The following PDE8A variants were observed in gnomAD, a reference collection of about 807,000 sequenced individuals.
PDE8A encodes the protein high affinity cAMP-specific and IBMX-insensitive 3',5'-cyclic phosphodiesterase 8A.
PDE8A carries 59 observed loss-of-function variants against 105.0 expected under a neutral mutation model. The ratio of observed to expected loss-of-function variants is 0.56; its 90% CI spans 0.46 to 0.70. The LOEUF (loss-of-function observed/expected upper bound fraction) is 0.70, where lower values mean the gene tolerates loss of function less well. PDE8A is among the 30% of genes least tolerant of loss of function. PDE8A has a pLI of 0.00. For missense variants in PDE8A, 1,014 were observed against 1,045.9 expected (o/e 0.97, Z 0.42); for synonymous variants, 355 against 371.9 (o/e 0.95, Z 0.52).
intron 20 of PDE8A, among the ~76,000 whole-genome samples, chr15:85,135,537 CCT>C (rs1358200931): frequency 6.6e-6 from 1 of 152,164 alleles, no homozygotes; most frequent in African/African-American, 2.4e-5. Context: ...CTGCGCTCAC[CCT>C]GTTCTCATCC....
At chr15:85,113,784 A>G (rs2082053884) in intron 13 of PDE8A, 89 bp from the exon 14 acceptor site, 2 of 995,494 alleles carry the variant, frequency 2.0e-6, no homozygotes, top group African/African-American at 1.6e-5. Context: ...CCTCCTGAGT[A>G]GCTGGAATTA....
At chr15:85,005,635 A>T (rs2080134005) in intron 1 of PDE8A, among the ~76,000 whole-genome samples, 1 of 152,194 alleles carries the variant, frequency 6.6e-6, no homozygotes. Context: ...TAATTTGCAC[A>T]ATCAGAATTC....
chr15:85,089,267 T>A, intron 6 of PDE8A, 71 bp from the exon 7 acceptor site: 1 of 808,104 alleles, frequency 1.2e-6, no homozygotes. Flanking sequence ...TACATTTAAA[T>A]AATGTAATAA....
At chr15:85,123,313 CTT>C in intron 19 of PDE8A, 120 bp downstream of exon 19, 4 of 751,506 alleles carry the variant, frequency 5.3e-6, no homozygotes, top group Non-Finnish European at 9.1e-6. Context: ...CTATTAGACT[CTT>C]ACAGGGACAG....
intron 3 of PDE8A, among the ~76,000 whole-genome samples, 161 bp downstream of exon 3, chr15:85,067,365 T>A (rs2081246299): frequency 6.6e-6 from 1 of 152,230 alleles, no homozygotes; most frequent in African/African-American, 2.4e-5. Context: ...CTGATGCATA[T>A]CTCTTTTGTT....
At chr15:85,014,123 CCTTTCTT>C (rs1297511067) in intron 1 of PDE8A, among the ~76,000 whole-genome samples, 1 of 149,220 alleles carries the variant, frequency 6.7e-6, no homozygotes, top group Non-Finnish European at 1.5e-5. Context: ...TTTCTTTCTT[CCTTTCTT>C]TTTCTTTTTC....
At chr15:85,076,011 G>T in intron 4 of PDE8A, 93 bp downstream of exon 4, 1 of 699,992 alleles carries the variant, frequency 1.4e-6, no homozygotes, top group Non-Finnish European at 2.5e-6. Flanking sequence ...TGCTGTGTCA[G>T]GCATGCCCCT....
chr15:85,049,646 C>G (rs533613596), intron 1 of PDE8A, among the ~76,000 whole-genome samples: 6 of 152,262 alleles, frequency 3.9e-5, no homozygotes, highest in Admixed American at 2.6e-4. Flanking sequence ...CTCCCAGGCC[C>G]GAGTGATTCT....
chr15:85,124,477 C>CCA (rs1031338273), intron 19 of PDE8A, among the ~76,000 whole-genome samples: 1 of 152,190 alleles, frequency 6.6e-6, no homozygotes, highest in Non-Finnish European at 1.5e-5. Context: ...GAGATATTTG[C>CCA]CACACACAGG....
intron 3 of PDE8A, among the ~76,000 whole-genome samples, chr15:85,071,988 A>G (rs747855213): frequency 2.0e-5 from 3 of 152,220 alleles, no homozygotes; most frequent in Non-Finnish European, 4.4e-5. Context: ...ATAAAAGGGA[A>G]GATCTCATAA....
chr15:85,121,155 C>T, intron 18 of PDE8A, 141 bp downstream of exon 18: 1 of 595,526 alleles, frequency 1.7e-6, no homozygotes, highest in South Asian at 2.3e-5. Flanking sequence ...TGGCTCATGC[C>T]TATAATCCCA....
chr15:85,008,790 C>T (rs566524115), intron 1 of PDE8A, among the ~76,000 whole-genome samples: 1 of 152,308 alleles, frequency 6.6e-6, no homozygotes, highest in East Asian at 1.9e-4. Flanking sequence ...CCCCTGTCTG[C>T]TGAGCCATCT....
intron 2 of PDE8A, 37 bp from the exon 3 acceptor site, chr15:85,066,976 CT>C (rs1323717432): frequency 1.1e-5 from 16 of 1,452,312 alleles, no homozygotes; most frequent in Admixed American, 9.9e-5. Context: ...ATTCTAACAT[CT>C]TTTTTTAAAA....
At chr15:85,073,449 C>T (rs1272910989) in intron 3 of PDE8A, among the ~76,000 whole-genome samples, 1 of 152,198 alleles carries the variant, frequency 6.6e-6, no homozygotes, top group Non-Finnish European at 1.5e-5. Flanking sequence ...ACAAGGTCCT[C>T]CCTTCCACTT....
intron 1 of PDE8A, among the ~76,000 whole-genome samples, chr15:85,050,685 A>G (rs765390294): frequency 3.3e-5 from 5 of 152,124 alleles, no homozygotes; most frequent in Admixed American, 2.0e-4. Flanking sequence ...GTCTGTCTTT[A>G]TGCTAGTACC....
At chr15:85,000,373 T>C (rs969991780) in intron 1 of PDE8A, among the ~76,000 whole-genome samples, 1 of 152,214 alleles carries the variant, frequency 6.6e-6, no homozygotes, top group African/African-American at 2.4e-5. Context: ...AAAAACAGTT[T>C]TCAGTGCCAA....
intron 12 of PDE8A, among the ~76,000 whole-genome samples, chr15:85,112,026 A>G (rs907223195): frequency 2.6e-5 from 4 of 151,570 alleles, no homozygotes; most frequent in South Asian, 2.1e-4. Flanking sequence ...TTGACTTTGT[A>G]TATCTAGGAG....
intron 1 of PDE8A, among the ~76,000 whole-genome samples, chr15:85,017,529 TC>T (rs1301703794): frequency 6.6e-6 from 1 of 152,220 alleles, no homozygotes; most frequent in African/African-American, 2.4e-5. Flanking sequence ...GTGTCTTGTT[TC>T]TAACTTTGTC....
intron 1 of PDE8A, among the ~76,000 whole-genome samples, chr15:85,016,985 G>T (rs2080335184): frequency 6.6e-6 from 1 of 151,414 alleles, no homozygotes; most frequent in Admixed American, 6.6e-5. Flanking sequence ...GCCTGGGCCG[G>T]GCGCGGTGGC....
Sources: gnomAD v4.1 joint callset for allele counts (sites outside exome capture counted in the v4.1 genomes callset) on GRCh38, gnomAD v4.1.1 for gene constraint, MANE v1.5 for transcripts, NCBI Gene and HGNC (gene_info 2026-07-23, HGNC 2026-07-21) for gene names.